The following PRKCZ variants were observed in gnomAD, a reference collection of about 807,000 sequenced individuals.
PRKCZ encodes the protein protein kinase C zeta.
In PRKCZ, 33 loss-of-function variants were observed where a neutral mutation model predicts 79.5. That is an observed-to-expected ratio of 0.41 (90% CI 0.31 to 0.55). The LOEUF (loss-of-function observed/expected upper bound fraction) is 0.55, where lower values mean the gene tolerates loss of function less well. Among genes scored for constraint, PRKCZ ranks in the 20% least tolerant of loss-of-function variants. The probability of loss-of-function intolerance (pLI) is 0.19; values close to 1 mark genes in which losing one functional copy is unlikely to be tolerated. For missense variants in PRKCZ, 578 were observed against 813.5 expected (o/e 0.71, Z 3.52); for synonymous variants, 342 against 320.9 (o/e 1.07, Z -0.70).
At chr1:2,156,305 G>A (rs74451046) in intron 10 of PRKCZ, 4 of 477,360 alleles carry the variant, frequency 8.4e-6, no homozygotes, top group East Asian at 4.0e-5. Flanking sequence ...TTCCATTTAC[G>A]AAATACTTAC....
At chr1:2,073,554 C>A (rs963410041) in intron 4 of PRKCZ, 29 of 907,402 alleles carry the variant, frequency 3.2e-5, no homozygotes, top group Non-Finnish European at 3.8e-5. Flanking sequence ...CTGCCTGGGT[C>A]TGGCTGCTGC....
intron 4 of PRKCZ, among the ~76,000 whole-genome samples, chr1:2,132,647 T>C (rs1244214694): frequency 6.6e-6 from 1 of 152,226 alleles, no homozygotes; most frequent in African/African-American, 2.4e-5. Context: ...TTTTGACTGC[T>C]TTTTCCTCAT....
intron 4 of PRKCZ, among the ~76,000 whole-genome samples, chr1:2,069,540 C>T (rs373788060): frequency 1.3e-5 from 2 of 152,188 alleles, no homozygotes; most frequent in Non-Finnish European, 2.9e-5. Flanking sequence ...GGACCAGACC[C>T]CCATTGGAGC....
chr1:2,080,167 G>A lies in PRKCZ; in HGVS notation c.334+20576G>A, dbSNP rs183702339. On this transcript the variant is annotated intron_variant, in intron 4 of 17. Coordinates refer to ENST00000378567, the MANE Select transcript of PRKCZ (RefSeq NM_002744.6). ...GGCCTGTCCTCCTCTTTGCTGTTAC[G>A]GGTTTTTTGGAGTTTTTCTTCCTTT... Among the ~76,000 whole-genome samples, 8 of 152,264 alleles carry A rather than the reference G, an allele frequency of 5.3e-5. No homozygotes were observed. In the East Asian group the frequency reaches 1.5e-3, roughly 29 times the overall value.
At chr1:2,126,919 G>A (rs564618148) in intron 4 of PRKCZ, among the ~76,000 whole-genome samples, 26 of 152,366 alleles carry the variant, frequency 1.7e-4, no homozygotes, top group African/African-American at 4.3e-4. Context: ...GTGCTGCGCC[G>A]TGTGGCCCGG....
intron 4 of PRKCZ, chr1:2,071,298 G>T: frequency 2.2e-6 from 1 of 450,116 alleles, no homozygotes; most frequent in Non-Finnish European, 4.4e-6. Flanking sequence ...CTCCCACCCA[G>T]GGAGGGTCAA....
intron 4 of PRKCZ, among the ~76,000 whole-genome samples, chr1:2,066,324 C>G (rs1661119298): frequency 6.6e-6 from 1 of 152,058 alleles, no homozygotes; most frequent in South Asian, 2.1e-4. Context: ...GACATCAGTC[C>G]CTGGGCTTTG....
chr1:2,138,923 A>G (rs1336352769), intron 5 of PRKCZ, among the ~76,000 whole-genome samples: 4 of 152,242 alleles, frequency 2.6e-5, no homozygotes, highest in Non-Finnish European at 4.4e-5. Flanking sequence ...CTCCGTCTCA[A>G]ATAAATAAAA....
chr1:2,067,999 C>T (rs1335448800), intron 4 of PRKCZ, among the ~76,000 whole-genome samples: 2 of 152,358 alleles, frequency 1.3e-5, no homozygotes, highest in African/African-American at 2.4e-5. Context: ...ATGAGACTCA[C>T]AGCCCGAAAT....
At chr1:2,121,424 T>C (rs1671860569) in intron 4 of PRKCZ, among the ~76,000 whole-genome samples, 1 of 143,126 alleles carries the variant, frequency 7.0e-6, no homozygotes, top group East Asian at 2.0e-4. Context: ...AGACGAAGCC[T>C]TTGACAGGTA....
intron 11 of PRKCZ, chr1:2,171,745 C>A: frequency 2.9e-6 from 1 of 343,258 alleles, no homozygotes; most frequent in South Asian, 3.8e-5. Flanking sequence ...CACAACGTGC[C>A]ATGGCTCCGG....
Position 2,050,629 on chromosome 1 carries a change from C to A in PRKCZ, c.-2C>A. 3 of 1,224,594 alleles carry A rather than the reference C, an allele frequency of 2.4e-6. No individual in the cohort carries two copies. The highest frequency in any genetic ancestry group is 3.1e-6 in the Non-Finnish European group (3 of 983,052). The allele number at this position is 1,224,594 out of a possible 1,614,324, so 75.9% of individuals were successfully genotyped here. ...CGCTGACGGCGGCGGGGGGAGCGCGCCATGCCCAGCAGGACCGGCCCCAAG... is the reference window on the plus strand; with the variant it reads ...CGCTGACGGCGGCGGGGGGAGCGCGACATGCCCAGCAGGACCGGCCCCAAG... On this transcript the variant is annotated 5_prime_UTR_variant, in exon 1 of 18. Transcript: ENST00000378567.
rs541603758 is a variant in PRKCZ, at chr1:2,178,357, G to A, written c.1575+3044G>A. ...ACAAGCTGCACCCACACAGTAGCAC[G>A]TGGCACTGCCTCCTTCCTGCGCTGA... On this transcript the variant is annotated intron_variant, in intron 16 of 17. Transcript: ENST00000378567. The surrounding 1 kb of genome is among the most constrained non-coding windows in gnomAD (Gnocchi z 4.3). 3.9e-5 allele frequency among the ~76,000 whole-genome samples: 6 copies of A among 152,192 alleles called. No homozygotes were observed. Among genetic ancestry groups the A allele is most frequent in the Non-Finnish European group, 7.3e-5 (5 of 68,036 alleles).
chr1:2,082,557 G>A lies in PRKCZ; in HGVS notation c.334+22966G>A. On this transcript the variant is annotated intron_variant, in intron 4 of 17. Transcript: ENST00000378567. This position sits in a 1 kb window ranked among gnomAD's most constrained non-coding sequence, Gnocchi z 4.4. Reference sequence around the variant, plus strand: ...CTCTGTGAGGAAGGAACGATGGTGGGATTTGTCACTCAGTCGATTTCCCTG... The same window carrying A: ...CTCTGTGAGGAAGGAACGATGGTGGAATTTGTCACTCAGTCGATTTCCCTG... 5.3e-6 allele frequency: 2 copies of A among 376,834 alleles called. No individual in the cohort carries two copies. The highest frequency in any genetic ancestry group is 1.1e-5 in the Non-Finnish European group (2 of 189,514). The allele number at this position is 376,834 out of a possible 1,614,324, so 23.3% of individuals were successfully genotyped here. A position where few individuals can be genotyped will look rare whatever the true frequency, so the allele number is the denominator to read the frequency against.
intron 7 of PRKCZ, 78 bp downstream of exon 7, chr1:2,146,186 T>G: frequency 7.1e-7 from 1 of 1,404,266 alleles, no homozygotes; most frequent in Non-Finnish European, 1.0e-6. Flanking sequence ...TAGCCACGAG[T>G]CCTTTCTCAG....
At chr1:2,078,844 CTTT>C (rs35626021) in intron 4 of PRKCZ, among the ~76,000 whole-genome samples, 1 of 134,002 alleles carries the variant, frequency 7.5e-6, no homozygotes, top group Non-Finnish European at 1.6e-5. Flanking sequence ...CTGAAGGTGG[CTTT>C]TTTTTTTTTT....
intron 4 of PRKCZ, among the ~76,000 whole-genome samples, chr1:2,113,667 C>T (rs955956931): frequency 3.3e-5 from 5 of 152,082 alleles, no homozygotes; most frequent in African/African-American, 7.2e-5. Context: ...TCATGATGCA[C>T]GAAGTAGTGG....
At chr1:2,131,187 G>A (rs1441036191) in intron 4 of PRKCZ, among the ~76,000 whole-genome samples, 2 of 152,176 alleles carry the variant, frequency 1.3e-5, no homozygotes, top group African/African-American at 2.4e-5. Flanking sequence ...GCTGACTGCC[G>A]GGTGCCACAT....
chr1:2,140,612 A>G (rs893604787), intron 5 of PRKCZ, among the ~76,000 whole-genome samples: 1 of 151,960 alleles, frequency 6.6e-6, no homozygotes, highest in Non-Finnish European at 1.5e-5. Context: ...AGCTGAGAAC[A>G]TGCCACTGTA....
Sources: allele counts gnomAD v4.1 joint callset (sites outside exome capture counted in the v4.1 genomes callset), GRCh38; gene constraint gnomAD v4.1.1; non-coding constraint Gnocchi (gnomAD v3.1); transcripts MANE v1.5; gene names NCBI Gene and HGNC (gene_info 2026-07-23, HGNC 2026-07-21).